The following CDHR2 variants were observed in gnomAD, a reference collection of about 807,000 sequenced individuals.
The protein encoded by CDHR2 is cadherin related family member 2.
CDHR2 carries 104 observed loss-of-function variants against 138.6 expected under a neutral mutation model. The observed-to-expected ratio is 0.75, with a 90% CI of 0.64 to 0.88. CDHR2 has a LOEUF of 0.88. CDHR2 is among the 40% of genes least tolerant of loss of function. CDHR2 has a pLI of 0.00. For missense variants in CDHR2, 1,624 were observed against 1,727.6 expected (o/e 0.94, Z 1.06); for synonymous variants, 755 against 742.8 (o/e 1.02, Z -0.27).
In CDHR2 at chr5:176,591,271, G is replaced by T; in HGVS notation, c.3601G>T (p.Val1201Leu). Reference protein sequence around the residue: ...AKEARKTAAGVMPSAPAIPGT... With the variant: ...AKEARKTAAGLMPSAPAIPGT... ...GGAGGCCAGGAAGACAGCAGCAGGG[G>T]TGATGCCCTCAGCCCCTGCCATCCC... Residue 1201 changes from valine (V) to leucine (L), a missense_variant, in exon 29 of 32, where the codon GTG (valine) becomes TTG (leucine). Around this residue, in one of 3 missense-constraint regions of CDHR2, gnomAD observed 556 missense variants for 565.7 expected, o/e 0.98. Coordinates refer to ENST00000261944, the MANE Select transcript of CDHR2 (RefSeq NM_017675.6). 1.2e-6 allele frequency: 2 copies of T among 1,614,070 alleles called. No homozygotes were observed. Among genetic ancestry groups the T allele is most frequent in the South Asian group, 1.1e-5 (1 of 91,088 alleles).
At chr5:176,583,171 G>A (rs113757835) in intron 17 of CDHR2, among the ~76,000 whole-genome samples, 103 of 152,324 alleles carry the variant, frequency 6.8e-4, no homozygotes, top group African/African-American at 2.5e-3. Context: ...TCACCCCTGT[G>A]AGCCGTCCTC....
intron 1 of CDHR2, among the ~76,000 whole-genome samples, chr5:176,559,338 G>A (rs932414132): frequency 2.0e-5 from 3 of 152,172 alleles, no homozygotes; most frequent in South Asian, 2.1e-4. Context: ...GATTGTTACC[G>A]AAAAGCCCCA....
At position 176,575,788 on chromosome 5, in the gene CDHR2, G is replaced by C. The variant is rs1758362864; in HGVS notation, c.909G>C (p.Leu303=). ...GGGTGATCAGGGTCAACGGCTCCCT[G>C]GACCGTGAGCAGCTGCTGGAGGCGG... ...ADGVIRVNGS[L]DREQLLEADE... Residue 303 remains leucine, a synonymous_variant, in exon 11 of 32, where the codon CTG becomes CTC. Coordinates refer to ENST00000261944, the MANE Select transcript of CDHR2 (RefSeq NM_017675.6). 1 of 1,560,712 alleles carries C rather than the reference G, an allele frequency of 6.4e-7. No homozygotes were observed. The highest frequency in any genetic ancestry group is 1.4e-5 in the African/African-American group (1 of 73,512).
chr5:176,578,611 G>C lies in CDHR2; in HGVS notation c.1818+3G>C, dbSNP rs1349278645. The C allele has an allele frequency of 3.1e-6, 5 of 1,608,846 alleles. No homozygotes were observed. The highest frequency in any genetic ancestry group is 4.2e-6 in the Non-Finnish European group (5 of 1,179,986). ...GCAATGTCTCCGTGACCATCCAGGT[G>C]TGAGCCTGCCTGGACCTGGTGGGTA... On this transcript the variant is annotated splice_donor_region_variant and intron_variant, in intron 16 of 31. Transcript: ENST00000261944.
At chr5:176,581,200 G>A in intron 16 of CDHR2, 143 bp from the exon 17 acceptor site, 5 of 1,075,188 alleles carry the variant, frequency 4.7e-6, no homozygotes, top group South Asian at 1.6e-5. Flanking sequence ...ATGGGAAACT[G>A]GGGCTGGGAG....
intron 17 of CDHR2, among the ~76,000 whole-genome samples, chr5:176,582,301 C>G (rs1025760527): frequency 2.0e-5 from 3 of 152,040 alleles, no homozygotes; most frequent in Admixed American, 2.0e-4. Context: ...ACTAAAGATG[C>G]GTGCCACCAT....
In CDHR2 at chr5:176,584,762, G is replaced by C. The variant is rs1042347848; in HGVS notation, c.2481G>C (p.Gln827His). Residue 827 changes from glutamine to histidine, a missense_variant, in exon 19 of 32, where the codon CAG becomes CAC. Around this residue, in one of 3 missense-constraint regions of CDHR2, gnomAD observed 1,061 missense variants for 1,136.6 expected, o/e 0.93. Coordinates refer to ENST00000261944, the MANE Select transcript of CDHR2 (RefSeq NM_017675.6). ...CTGAGAATGGCTCACAGCACGGCCA[G>C]GTGGCTGTGGTGGTTGCCTCGGATG... ...RVAENGSQHGQVAVVVASDVD... is the reference protein window; with the variant it reads ...RVAENGSQHGHVAVVVASDVD... The C allele has an allele frequency of 6.2e-7, 1 of 1,614,222 alleles. No homozygotes were observed. Among genetic ancestry groups the C allele is most frequent in the Non-Finnish European group, 8.5e-7 (1 of 1,180,046 alleles).
intron 25 of CDHR2, 29 bp downstream of exon 25, chr5:176,590,175 T>A (rs1407203692): frequency 6.2e-7 from 1 of 1,610,970 alleles, no homozygotes; most frequent in South Asian, 1.1e-5. Flanking sequence ...GGGGGTGGGG[T>A]TGAGGGGGAG....
chr5:176,590,183 G>A, intron 25 of CDHR2, 37 bp downstream of exon 25: 1 of 1,609,958 alleles, frequency 6.2e-7, no homozygotes, highest in South Asian at 1.1e-5. Context: ...GGTTGAGGGG[G>A]AGAAGCGGTA....
chr5:176,586,439 G>A (rs1284442464), intron 20 of CDHR2, among the ~76,000 whole-genome samples: 1 of 152,232 alleles, frequency 6.6e-6, no homozygotes, highest in Admixed American at 6.5e-5. Flanking sequence ...CAAGTGATCT[G>A]CTCGCCTTGG....
chr5:176,574,261 G>A lies in CDHR2; in HGVS notation c.495+89G>A. On this transcript the variant is annotated intron_variant, in intron 7 of 31. Transcript: ENST00000261944. The stretch of plus-strand genomic sequence containing the variant: ...CCCACAGGGCCTGAACGTTGGGGTG[G>A]GGACATTGGTCCTGCCTTGGCCCAG... The A allele has an allele frequency of 8.1e-6, 8 of 988,378 alleles. No homozygotes were observed. The South Asian group carries it at 1.1e-4, about 14-fold the overall frequency. The allele number at this position is 988,378 out of a possible 1,614,324, so 61.2% of individuals were successfully genotyped here.
At chr5:176,587,267 C>G (rs1279147905) in intron 21 of CDHR2, among the ~76,000 whole-genome samples, 4 of 152,032 alleles carry the variant, frequency 2.6e-5, no homozygotes, top group Non-Finnish European at 5.9e-5. Context: ...GACCAACATG[C>G]AGAAACCCCA....
In CDHR2 at chr5:176,586,127, A is replaced by AG. The variant is rs367710766; in HGVS notation, c.2806+108dup. On this transcript the variant is annotated intron_variant, in intron 20 of 31. Transcript: ENST00000261944. Reference sequence around the variant, plus strand: ...TGGACCCCAGGGGGAGCCTTTAGAAAGGGGGGAAGGCCTCTAATCCTGCAT... The same window carrying AG: ...TGGACCCCAGGGGGAGCCTTTAGAAAGGGGGGGAAGGCCTCTAATCCTGCAT... 21 of 842,062 alleles carry AG rather than the reference A, an allele frequency of 2.5e-5. No individual in the cohort carries two copies. The African/African-American group carries it at 2.9e-4, about 11-fold the overall frequency. 52.2% of individuals were successfully genotyped at this position (842,062 alleles called of 1,614,324 possible). A position where few individuals can be genotyped will look rare whatever the true frequency, so the allele number is the denominator to read the frequency against.
chr5:176,578,977 A>G (rs1758468559), intron 16 of CDHR2, among the ~76,000 whole-genome samples: 1 of 152,240 alleles, frequency 6.6e-6, no homozygotes, highest in Admixed American at 6.5e-5. Flanking sequence ...GGCATTTGTT[A>G]AAGGGCACAA....
At chr5:176,582,533 C>A (rs1758555863) in intron 17 of CDHR2, among the ~76,000 whole-genome samples, 1 of 152,118 alleles carries the variant, frequency 6.6e-6, no homozygotes, top group Non-Finnish European at 1.5e-5. Context: ...CCAAAAACCT[C>A]AGTACTTTGG....
intron 30 of CDHR2, 155 bp downstream of exon 30, chr5:176,591,639 G>C (rs1758851235): frequency 1.5e-6 from 1 of 646,762 alleles, no homozygotes; most frequent in Non-Finnish European, 2.8e-6. Flanking sequence ...GGTGATGGTA[G>C]TGAGGTGATG....
At chr5:176,550,460 C>T (rs111254460) in intron 1 of CDHR2, among the ~76,000 whole-genome samples, 4,453 of 152,278 alleles carry the variant, frequency 0.029, 104 homozygotes, top group Non-Finnish European at 0.041. Context: ...GGTGCAGGCA[C>T]GGCCTCCTGG....
chr5:176,564,766 C>T (rs1023320814), intron 1 of CDHR2, among the ~76,000 whole-genome samples: 1 of 151,938 alleles, frequency 6.6e-6, no homozygotes, highest in African/African-American at 2.4e-5. Context: ...TTGGGAAAGG[C>T]TGCAAAGACA....
intron 1 of CDHR2, among the ~76,000 whole-genome samples, chr5:176,556,493 AG>A (rs1561866288): frequency 6.6e-6 from 1 of 152,168 alleles, no homozygotes; most frequent in East Asian, 1.9e-4. Flanking sequence ...GGTGAAACCC[AG>A]TCTCTACTAA....
Sources: gnomAD v4.1 joint callset for allele counts (sites outside exome capture counted in the v4.1 genomes callset) on GRCh38, gnomAD v4.1.1 for gene constraint, gnomAD v4.1.1 regional missense constraint, MANE v1.5 for transcripts, NCBI Gene and HGNC (gene_info 2026-07-23, HGNC 2026-07-21) for gene names.